The following EIF3A variants were observed in gnomAD, a reference collection of about 807,000 sequenced individuals.
EIF3A encodes eukaryotic translation initiation factor 3 subunit A.
In EIF3A, 21 loss-of-function variants were observed where a neutral mutation model predicts 186.6. The observed-to-expected ratio is 0.11, with a 90% CI of 0.08 to 0.16. EIF3A has a LOEUF of 0.16. Among genes scored for constraint, EIF3A ranks in the 10% least tolerant of loss-of-function variants. The pLI, the probability that EIF3A is intolerant of heterozygous loss-of-function variation, is 1.00. For synonymous variants in EIF3A, 563 were observed against 584.3 expected, an observed-to-expected ratio of 0.96 and a Z score of 0.52; for missense variants, 1,306 against 1,796.3, an observed-to-expected ratio of 0.73 and a Z score of 4.93.
intron 6 of EIF3A, among the ~76,000 whole-genome samples, chr10:119,066,522 A>G (rs1336716456): frequency 7.1e-6 from 1 of 141,714 alleles, no homozygotes; most frequent in Non-Finnish European, 1.6e-5. Flanking sequence ...AAAAAAAAAA[A>G]AAAAAAAAAA....
At chr10:119,079,549 C>T (rs905188286) in intron 1 of EIF3A, among the ~76,000 whole-genome samples, 1 of 151,896 alleles carries the variant, frequency 6.6e-6, no homozygotes, top group Non-Finnish European at 1.5e-5. Context: ...AAGAGCTATC[C>T]ATGCCCTAAC....
intron 1 of EIF3A, among the ~76,000 whole-genome samples, chr10:119,075,653 T>TATAC (rs1554873588): frequency 2.1e-5 from 3 of 139,950 alleles, no homozygotes; most frequent in Non-Finnish European, 4.6e-5. Context: ...TATATATACA[T>TATAC]ATATATATAT....
chr10:119,045,713 A>G (rs1672810212), intron 17 of EIF3A, among the ~76,000 whole-genome samples: 1 of 152,100 alleles, frequency 6.6e-6, no homozygotes, highest in Non-Finnish European at 1.5e-5. Context: ...CTGGGCATGC[A>G]CCACCACGCC....
chr10:119,075,643 TATATATAC>T (rs1212693156), intron 1 of EIF3A, among the ~76,000 whole-genome samples: 4 of 27,768 alleles, frequency 1.4e-4, no homozygotes, highest in South Asian at 8.1e-3. Context: ...TAAAACACTA[TATATATAC>T]ATATATATAT....
At chr10:119,060,270 T>TG (rs760824969) in intron 9 of EIF3A, 40 of 427,688 alleles carry the variant, frequency 9.4e-5, no homozygotes, top group African/African-American at 3.8e-4. Flanking sequence ...TCACTCATGG[T>TG]GGGGGGTCTA....
In EIF3A at chr10:119,072,351, AAG is replaced by A. The variant is rs1298746895; in HGVS notation, c.541+537_541+538del. Reference sequence around the variant, plus strand: ...TGATGTTTGTGTAAAAAGAAAAAAAAAGATCTTTCAGATATCAATAAAATACA... The same window carrying A: ...TGATGTTTGTGTAAAAAGAAAAAAAAATCTTTCAGATATCAATAAAATACA... On this transcript the variant is annotated intron_variant, in intron 4 of 21. Transcript: ENST00000369144. Among the ~76,000 whole-genome samples the A allele has an allele frequency of 2.6e-5, 4 of 152,312 alleles. No homozygotes were observed. In the South Asian group the frequency reaches 8.3e-4, roughly 32 times the overall value.
At chr10:119,052,399 T>TGTGTGTGTGTGTGTGTGTGTGTG (rs1554870363) in intron 14 of EIF3A, among the ~76,000 whole-genome samples, 81 of 149,086 alleles carry the variant, frequency 5.4e-4, no homozygotes, top group South Asian at 1.1e-3. Context: ...TGTGTGTGTG[T>TGTGTGTGTGTGTGTGTGTGTGTG]TTTAAGACAG....
At chr10:119,060,171 T>C in intron 9 of EIF3A, 1 of 497,434 alleles carries the variant, frequency 2.0e-6, no homozygotes, top group Admixed American at 2.3e-5. Flanking sequence ...TAAAACGCCC[T>C]CCTTCCCAAA....
Position 119,044,045 on chromosome 10 carries a change from T to C in EIF3A, c.2747+9A>G. On this transcript the variant is annotated intron_variant, in intron 18 of 21. Coordinates refer to ENST00000369144, the MANE Select transcript of EIF3A (RefSeq NM_003750.4). Reference sequence around the variant, plus strand: ...CTGGAGCGGCATTATTTTCCTCAACTCTACTTACTTCTCTGGCGGGCCTCT... The same window carrying C: ...CTGGAGCGGCATTATTTTCCTCAACCCTACTTACTTCTCTGGCGGGCCTCT... 6.2e-7 allele frequency: 1 copy of C among 1,602,586 alleles called. No homozygotes were observed. Among genetic ancestry groups the C allele is most frequent in the Non-Finnish European group, 8.5e-7 (1 of 1,169,670 alleles).
At chr10:119,052,660 G>A (rs1848375167) in intron 14 of EIF3A, among the ~76,000 whole-genome samples, 1 of 152,034 alleles carries the variant, frequency 6.6e-6, no homozygotes. Context: ...AGAGGTGTGA[G>A]CCACCCCACC....
chr10:119,068,164 AAAT>A (rs1230688673), intron 6 of EIF3A, among the ~76,000 whole-genome samples: 1 of 152,212 alleles, frequency 6.6e-6, no homozygotes, highest in African/African-American at 2.4e-5. Flanking sequence ...GTAACGTTAA[AAAT>A]AATAAAATGG....
chr10:119,041,270 C>A (rs1848204823), intron 19 of EIF3A, among the ~76,000 whole-genome samples: 1 of 152,046 alleles, frequency 6.6e-6, no homozygotes, highest in Admixed American at 6.6e-5. Flanking sequence ...AGGCCCAGGA[C>A]TAAGAAAAAA....
intron 12 of EIF3A, among the ~76,000 whole-genome samples, chr10:119,057,446 T>C (rs145090875): frequency 1.3e-5 from 2 of 152,126 alleles, no homozygotes; most frequent in South Asian, 2.1e-4. Flanking sequence ...TGTAAAATAG[T>C]GTACAAAATT....
At chr10:119,045,166 A>C (rs1848267597) in intron 17 of EIF3A, among the ~76,000 whole-genome samples, 1 of 152,090 alleles carries the variant, frequency 6.6e-6, no homozygotes, top group Admixed American at 6.6e-5. Flanking sequence ...GCTGGTCTCG[A>C]ACTCCTGACC....
At chr10:119,050,384 G>A in intron 16 of EIF3A, 137 bp downstream of exon 16, 1 of 809,266 alleles carries the variant, frequency 1.2e-6, no homozygotes, top group Non-Finnish European at 2.0e-6. Flanking sequence ...AGCAAACTGG[G>A]TTCTGAGATC....
intron 4 of EIF3A, among the ~76,000 whole-genome samples, chr10:119,072,207 T>TTA (rs1564760942): frequency 1.2e-5 from 1 of 82,494 alleles, no homozygotes; most frequent in Non-Finnish European, 2.5e-5. Context: ...AAAAATAAAT[T>TTA]AAAAAAAAAA....
rs563807708 is a variant in EIF3A, at chr10:119,053,192, G to T, written c.2197-1871C>A. 2.6e-5 allele frequency among the ~76,000 whole-genome samples: 4 copies of T among 152,196 alleles called. No homozygotes were observed. In the South Asian group the frequency reaches 6.2e-4, roughly 24 times the overall value. On this transcript the variant is annotated intron_variant, in intron 14 of 21. Coordinates refer to ENST00000369144, the MANE Select transcript of EIF3A (RefSeq NM_003750.4). ...ACAGATATGCTGTCATTCAGGCTTT[G>T]TTCTTTCATGTACAGACCACAGAAA...
intron 1 of EIF3A, among the ~76,000 whole-genome samples, chr10:119,079,367 T>G (rs918460483): frequency 4.6e-5 from 7 of 152,222 alleles, no homozygotes; most frequent in Non-Finnish European, 1.0e-4. Context: ...TCTCTGGTTC[T>G]GCCAAATTAT....
chr10:119,080,415 C>A (rs997116571), intron 1 of EIF3A: 39 of 985,316 alleles, frequency 4.0e-5, no homozygotes, highest in Non-Finnish European at 4.6e-5. Context: ...GCCCCTGGGG[C>A]GACGGTTCCG....
Sources: allele counts gnomAD v4.1 joint callset (sites outside exome capture counted in the v4.1 genomes callset), GRCh38; gene constraint gnomAD v4.1.1; transcripts MANE v1.5; gene names NCBI Gene and HGNC (gene_info 2026-07-23, HGNC 2026-07-21).